SPAG16: variants seen among roughly 807,000 people sequenced by gnomAD.
SPAG16 encodes the protein sperm-associated antigen 16 protein.
In SPAG16, 86 loss-of-function variants were observed where a neutral mutation model predicts 80.4. The ratio of observed to expected loss-of-function variants is 1.07; its 90% CI spans 0.90 to 1.28. The LOEUF (loss-of-function observed/expected upper bound fraction) is 1.28. Among genes scored for constraint, SPAG16 ranks in the 50% most tolerant of loss-of-function variants. The pLI is 0.00. For missense variants in SPAG16, 870 were observed against 765.3 expected, an observed-to-expected ratio of 1.14 and a Z score of -1.61; for synonymous variants, 294 against 265.9, an observed-to-expected ratio of 1.11 and a Z score of -1.03.
chr2:213,455,841 C>T (rs1004193231), intron 9 of SPAG16, among the ~76,000 whole-genome samples: 1 of 152,168 alleles, frequency 6.6e-6, no homozygotes, highest in African/African-American at 2.4e-5. Context: ...GTTGGCGACC[C>T]CTGCTCCAGG....
At chr2:213,406,073 T>A (rs1373065187) in intron 9 of SPAG16, among the ~76,000 whole-genome samples, 1 of 152,230 alleles carries the variant, frequency 6.6e-6, no homozygotes, top group East Asian at 1.9e-4. Context: ...ATCTTTAAGC[T>A]GATAGTGGCA....
intron 9 of SPAG16, among the ~76,000 whole-genome samples, chr2:213,445,536 C>T (rs746844390): frequency 5.3e-5 from 8 of 151,988 alleles, no homozygotes; most frequent in African/African-American, 1.7e-4. Context: ...GTGGTGGGCT[C>T]CTGTAATCCC....
chr2:213,944,777 T>C (rs1380941039), intron 12 of SPAG16, among the ~76,000 whole-genome samples: 2 of 152,080 alleles, frequency 1.3e-5, no homozygotes, highest in East Asian at 1.9e-4. Context: ...GGTGGAGCCA[T>C]TGGGAGGCAA....
At chr2:214,290,527 C>T (rs186236799) in intron 15 of SPAG16, among the ~76,000 whole-genome samples, 1 of 152,112 alleles carries the variant, frequency 6.6e-6, no homozygotes, top group Non-Finnish European at 1.5e-5. Context: ...ATAAATGTCC[C>T]TTTTAGCACT....
chr2:214,272,333 A>G (rs796264189), intron 15 of SPAG16, among the ~76,000 whole-genome samples: 52 of 152,134 alleles, frequency 3.4e-4, no homozygotes, highest in African/African-American at 1.2e-3. Flanking sequence ...TCTAGGGTAC[A>G]TGTGCACAAT....
intron 1 of SPAG16, among the ~76,000 whole-genome samples, chr2:213,289,910 T>C (rs13401350): frequency 0.2 from 30,398 of 152,258 alleles, 4,037 homozygotes; most frequent in Non-Finnish European, 0.3. Flanking sequence ...GTAAGGTACT[T>C]TGCTGCTCAC....
intron 10 of SPAG16, among the ~76,000 whole-genome samples, chr2:213,667,871 A>C (rs1371133919): frequency 1.3e-5 from 2 of 152,156 alleles, no homozygotes; most frequent in East Asian, 3.8e-4. Context: ...TGAGGTACAT[A>C]GGGTAGAGTA....
At chr2:213,594,398 A>G (rs1303738875) in intron 10 of SPAG16, among the ~76,000 whole-genome samples, 1 of 152,208 alleles carries the variant, frequency 6.6e-6, no homozygotes, top group African/African-American at 2.4e-5. Flanking sequence ...AAGTTGGGCT[A>G]ACATAATAGC....
chr2:213,691,152 A>T (rs1279646980), intron 10 of SPAG16, among the ~76,000 whole-genome samples: 1 of 152,128 alleles, frequency 6.6e-6, no homozygotes, highest in African/African-American at 2.4e-5. Context: ...CAATAAGCCT[A>T]ATCACCCTAC....
Position 214,337,175 on chromosome 2 carries a change from T to C in SPAG16, c.1721-72965T>C, listed in dbSNP as rs995642519. ...GTTATTGCTGTGTCCAAACTAATTT[T>C]TTCTCTTTCGTAGTAAAGTTCTCTC... On this transcript the variant is annotated intron_variant, in intron 15 of 15. Coordinates refer to ENST00000331683, the MANE Select transcript of SPAG16 (RefSeq NM_024532.5). Among the ~76,000 whole-genome samples, 6 of 152,026 alleles carry C rather than the reference T, an allele frequency of 3.9e-5. No individual in the cohort carries two copies. The East Asian group carries it at 1.2e-3, about 30-fold the overall frequency.
chr2:213,461,605 T>C (rs1320388446), intron 9 of SPAG16, among the ~76,000 whole-genome samples: 1 of 152,162 alleles, frequency 6.6e-6, no homozygotes, highest in African/African-American at 2.4e-5. Context: ...TAATATGTGA[T>C]TTGAGAAAGC....
intron 12 of SPAG16, among the ~76,000 whole-genome samples, chr2:213,982,903 C>A (rs993102193): frequency 6.6e-6 from 1 of 151,836 alleles, no homozygotes; most frequent in African/African-American, 2.4e-5. Context: ...AATAGCATTG[C>A]AATTATTATT....
At chr2:214,400,217 T>G (rs921157414) in intron 15 of SPAG16, among the ~76,000 whole-genome samples, 1 of 151,950 alleles carries the variant, frequency 6.6e-6, no homozygotes, top group Non-Finnish European at 1.5e-5. Flanking sequence ...ACTTAATTTT[T>G]TTGATATATT....
chr2:213,907,357 A>G (rs866289689), intron 11 of SPAG16, among the ~76,000 whole-genome samples: 1 of 152,190 alleles, frequency 6.6e-6, no homozygotes, highest in African/African-American at 2.4e-5. Flanking sequence ...TAGAATGGCT[A>G]TTATCAAAGA....
chr2:214,146,427 T>G (rs528388129), intron 14 of SPAG16, among the ~76,000 whole-genome samples: 1 of 152,308 alleles, frequency 6.6e-6, no homozygotes, highest in South Asian at 2.1e-4. Context: ...TTCTGTCTTG[T>G]AAGTGATTCA....
At chr2:213,576,302 A>G (rs1028090501) in intron 10 of SPAG16, among the ~76,000 whole-genome samples, 1 of 152,076 alleles carries the variant, frequency 6.6e-6, no homozygotes, top group Admixed American at 6.6e-5. Flanking sequence ...TTGTACCAGT[A>G]CCATGCTGTT....
At chr2:213,801,953 G>A (rs984025539) in intron 10 of SPAG16, among the ~76,000 whole-genome samples, 15 of 152,146 alleles carry the variant, frequency 9.9e-5, no homozygotes, top group Middle Eastern at 3.2e-3. Context: ...CACATTATAA[G>A]TTATATATAA....
chr2:214,330,245 C>A (rs1696817683), intron 15 of SPAG16, among the ~76,000 whole-genome samples: 1 of 150,716 alleles, frequency 6.6e-6, no homozygotes, highest in Admixed American at 6.6e-5. Flanking sequence ...CCATTGCACT[C>A]CAGCCTGGGT....
intron 13 of SPAG16, among the ~76,000 whole-genome samples, chr2:214,032,471 T>C (rs1297124769): frequency 6.6e-6 from 1 of 152,104 alleles, no homozygotes; most frequent in Non-Finnish European, 1.5e-5. Context: ...AATAGGAAGC[T>C]GAAAATTTAT....
Sources: gnomAD v4.1 joint callset for allele counts (sites outside exome capture counted in the v4.1 genomes callset) on GRCh38, gnomAD v4.1.1 for gene constraint, MANE v1.5 for transcripts, NCBI Gene and HGNC (gene_info 2026-07-23, HGNC 2026-07-21) for gene names.